LRP1B: variants seen among roughly 807,000 people sequenced by gnomAD.
LRP1B encodes the protein LDL receptor related protein 1B.
A neutral mutation model predicts 556.6 loss-of-function variants in LRP1B; 217 were observed. The ratio of observed to expected loss-of-function variants is 0.39; its 90% CI spans 0.35 to 0.44. LRP1B has a LOEUF of 0.44. LRP1B is among the 20% of genes least tolerant of loss of function. LRP1B has a pLI of 1.00. For missense variants in LRP1B, 5,053 were observed against 5,620.8 expected, an observed-to-expected ratio of 0.90 and a Z score of 3.23; for synonymous variants, 2,047 against 1,865.8, an observed-to-expected ratio of 1.10 and a Z score of -2.50.
chr2:140,996,504 T>C (rs538135778), intron 15 of LRP1B, among the ~76,000 whole-genome samples: 16 of 152,168 alleles, frequency 1.1e-4, no homozygotes, highest in African/African-American at 3.4e-4. Flanking sequence ...GTGTCTCCAC[T>C]TGAGGAGCTT....
chr2:141,480,385 A>G lies in LRP1B; in HGVS notation c.343+11T>C, dbSNP rs377442441. On this transcript the variant is annotated intron_variant, in intron 3 of 90. Coordinates refer to ENST00000389484, the MANE Select transcript of LRP1B (RefSeq NM_018557.3). Reference sequence around the variant, plus strand: ...AATATTTCAGTTGCATTGTTCCACAAATGGACTCACCCTGACAATGTACTC... The same window carrying G: ...AATATTTCAGTTGCATTGTTCCACAGATGGACTCACCCTGACAATGTACTC... The G allele has an allele frequency of 1.9e-6, 3 of 1,613,668 alleles. No homozygotes were observed. The highest frequency in any genetic ancestry group is 1.3e-5 in the African/African-American group (1 of 74,908).
intron 7 of LRP1B, among the ~76,000 whole-genome samples, chr2:141,155,316 C>CAAT (rs1558897896): frequency 6.6e-6 from 1 of 151,648 alleles, no homozygotes; most frequent in Admixed American, 6.6e-5. Flanking sequence ...ATAATTCACA[C>CAAT]AATAATGCTT....
At chr2:142,059,568 T>C (rs994706605) in intron 1 of LRP1B, among the ~76,000 whole-genome samples, 1 of 152,086 alleles carries the variant, frequency 6.6e-6, no homozygotes, top group African/African-American at 2.4e-5. Flanking sequence ...AGGCGATCTT[T>C]TAAAAAGTTT....
At chr2:141,338,806 C>T (rs1402478) in intron 3 of LRP1B, among the ~76,000 whole-genome samples, 66 of 152,290 alleles carry the variant, frequency 4.3e-4, no homozygotes, top group Admixed American at 1.2e-3. Flanking sequence ...TACTCTGTCA[C>T]GTCTCCATTT....
intron 32 of LRP1B, among the ~76,000 whole-genome samples, chr2:140,798,428 C>T (rs943744968): frequency 6.6e-6 from 1 of 152,092 alleles, no homozygotes; most frequent in African/African-American, 2.4e-5. Context: ...AACTTTTATA[C>T]CATCAGGTTT....
intron 2 of LRP1B, among the ~76,000 whole-genome samples, chr2:141,691,871 T>C (rs1409658382): frequency 3.3e-5 from 5 of 152,018 alleles, no homozygotes; most frequent in African/African-American, 1.2e-4. Flanking sequence ...GAACATCATA[T>C]AGACAACTTG....
intron 66 of LRP1B, among the ~76,000 whole-genome samples, chr2:140,416,593 T>C (rs1031363676): frequency 4.6e-5 from 7 of 151,438 alleles, no homozygotes; most frequent in Non-Finnish European, 8.8e-5. Flanking sequence ...GAGGTGGAGG[T>C]GGCATTGAGA....
Position 140,506,926 on chromosome 2 carries a change from AG to A in LRP1B, c.8399-9del. 6.2e-7 allele frequency: 1 copy of A among 1,613,088 alleles called. No individual in the cohort carries two copies. Among genetic ancestry groups the A allele is most frequent in the Non-Finnish European group, 8.5e-7 (1 of 1,179,554 alleles). On this transcript the variant is annotated splice_polypyrimidine_tract_variant and intron_variant, in intron 52 of 90. Coordinates refer to ENST00000389484, the MANE Select transcript of LRP1B (RefSeq NM_018557.3). ...CACATGTATTATTGGGAGCTAAGAA[AG>A]GCATCACAAAAAATAAAGTTAGATG...
chr2:141,418,731 C>T (rs1680027081), intron 3 of LRP1B, among the ~76,000 whole-genome samples: 1 of 151,570 alleles, frequency 6.6e-6, no homozygotes. Context: ...CACTGGGGTT[C>T]CATATGAATT....
At position 141,437,742 on chromosome 2, in the gene LRP1B, CTG is replaced by C. The variant is rs566632482; in HGVS notation, c.343+42652_343+42653del. 3.3e-5 allele frequency among the ~76,000 whole-genome samples: 5 copies of C among 151,890 alleles called. No individual in the cohort carries two copies. In the South Asian group the frequency reaches 1.0e-3, roughly 32 times the overall value. The stretch of plus-strand genomic sequence containing the variant: ...TTTCAGCATCCTAGCTCAATGTAGG[CTG>C]TCTTTTCTAGTCACAAGTATTCAAG... On this transcript the variant is annotated intron_variant, in intron 3 of 90. Transcript: ENST00000389484.
intron 23 of LRP1B, among the ~76,000 whole-genome samples, chr2:140,890,482 T>A (rs1214585453): frequency 6.6e-6 from 1 of 152,188 alleles, no homozygotes; most frequent in East Asian, 1.9e-4. Context: ...CTGCTCACAA[T>A]CTTTTCATGT....
chr2:141,397,690 T>G (rs915166190), intron 3 of LRP1B, among the ~76,000 whole-genome samples: 6 of 151,862 alleles, frequency 4.0e-5, no homozygotes, highest in Non-Finnish European at 7.4e-5. Flanking sequence ...ACTTGGCATA[T>G]TCTCACGTGG....
chr2:140,964,585 T>C (rs1441008926), intron 18 of LRP1B, among the ~76,000 whole-genome samples: 1 of 129,922 alleles, frequency 7.7e-6, no homozygotes, highest in African/African-American at 2.9e-5. Flanking sequence ...CGCACTCTTG[T>C]CTTCTGGTCA....
intron 7 of LRP1B, among the ~76,000 whole-genome samples, chr2:141,138,578 A>ATT (rs368398507): frequency 2.4e-4 from 35 of 143,334 alleles, no homozygotes; most frequent in African/African-American, 6.6e-4. Context: ...TATAAATGTC[A>ATT]TTTTTTTTTT....
chr2:141,426,011 A>C (rs1680349608), intron 3 of LRP1B, among the ~76,000 whole-genome samples: 1 of 151,404 alleles, frequency 6.6e-6, no homozygotes, highest in Non-Finnish European at 1.5e-5. Context: ...TATGTCCTGA[A>C]TGGTAATGCC....
intron 2 of LRP1B, among the ~76,000 whole-genome samples, chr2:141,732,323 A>G (rs1349149540): frequency 6.6e-6 from 1 of 151,046 alleles, no homozygotes; most frequent in Non-Finnish European, 1.5e-5. Flanking sequence ...TTCCTAAAAT[A>G]TAATATATCT....
chr2:140,721,713 AT>A (rs10616732), intron 35 of LRP1B, among the ~76,000 whole-genome samples: 77,423 of 125,430 alleles, frequency 0.62, 23,010 homozygotes, highest in Middle Eastern at 0.71. Flanking sequence ...ACACCCGGCT[AT>A]TTTTTTTTTT....
chr2:140,321,351 A>T (rs1680113935), intron 82 of LRP1B, among the ~76,000 whole-genome samples: 1 of 150,666 alleles, frequency 6.6e-6, no homozygotes, highest in Admixed American at 6.6e-5. Flanking sequence ...AAAAAATCTT[A>T]TCCATTTTGT....
At position 140,758,910 on chromosome 2, in the gene LRP1B, T is replaced by C. The variant is rs546264386; in HGVS notation, c.5758+10303A>G. 5.9e-5 allele frequency among the ~76,000 whole-genome samples: 9 copies of C among 152,176 alleles called. No homozygotes were observed. The East Asian group carries it at 1.7e-3, about 29-fold the overall frequency. Reference sequence around the variant, plus strand: ...AGGAAACAAAAATAAAAATTATGAATCCTCTTATTCAGTATTTAGATAACT... The same window carrying C: ...AGGAAACAAAAATAAAAATTATGAACCCTCTTATTCAGTATTTAGATAACT... On this transcript the variant is annotated intron_variant, in intron 35 of 90. Coordinates refer to ENST00000389484, the MANE Select transcript of LRP1B (RefSeq NM_018557.3).
Sources: gnomAD v4.1 joint callset for allele counts (sites outside exome capture counted in the v4.1 genomes callset) on GRCh38, gnomAD v4.1.1 for gene constraint, MANE v1.5 for transcripts, NCBI Gene and HGNC (gene_info 2026-07-23, HGNC 2026-07-21) for gene names.